The following FGFR1 variants were observed in gnomAD, a reference collection of about 807,000 sequenced individuals.
FGFR1 encodes FGFR1/PLAG1 fusion.
Under a neutral mutation model 93.7 loss-of-function variants are expected in FGFR1, and 18 were observed. The ratio of observed to expected loss-of-function variants is 0.19; its 90% CI spans 0.13 to 0.28. The LOEUF is 0.28. Among genes scored for constraint, FGFR1 ranks in the 10% least tolerant of loss-of-function variants. FGFR1 has a pLI of 1.00. For synonymous variants in FGFR1, 448 were observed against 429.3 expected (o/e 1.04, Z -0.54); for missense variants, 731 against 1,080.4 (o/e 0.68, Z 4.53).
chr8:38,422,030 G>C, intron 7 of FGFR1, 89 bp from the exon 8 acceptor site: 1 of 1,456,582 alleles, frequency 6.9e-7, no homozygotes, highest in Non-Finnish European at 9.5e-7. Flanking sequence ...AGAAAGAAGG[G>C]GGACTAGAGG....
At chr8:38,420,061 C>A in intron 8 of FGFR1, 1 of 373,246 alleles carries the variant, frequency 2.7e-6, no homozygotes, top group East Asian at 5.3e-5. Context: ...CCTGCAAGGG[C>A]CAGCTGAGAA....
At chr8:38,434,433 A>G in intron 2 of FGFR1, 1 of 384,528 alleles carries the variant, frequency 2.6e-6, no homozygotes, top group Non-Finnish European at 5.0e-6. Context: ...CTCAACACTG[A>G]TGGAAGTCAA....
chr8:38,425,984 C>T (rs1330502667), intron 6 of FGFR1, 138 bp downstream of exon 6: 2 of 1,118,250 alleles, frequency 1.8e-6, no homozygotes, highest in African/African-American at 3.1e-5. Context: ...GAGAAGTGAC[C>T]TGCTCAAGGT....
intron 2 of FGFR1, among the ~76,000 whole-genome samples, chr8:38,443,334 G>A (rs1229255158): frequency 6.6e-6 from 1 of 152,100 alleles, no homozygotes; most frequent in Non-Finnish European, 1.5e-5. Flanking sequence ...CGTACCCGAC[G>A]ATTATACATA....
At position 38,414,811 on chromosome 8, in the gene FGFR1, G is replaced by T. The variant is rs1211901113; in HGVS notation, c.1945C>A (p.His649Asn). Reference protein sequence around the residue: ...IADFGLARDIHHIDYYKKTTN... With the variant: ...IADFGLARDINHIDYYKKTTN... ...GTCTTTTTATAGTAGTCGATGTGGT[G>T]AATGTCCCGTGCGAGGCCAAAGTCT... Residue 649 changes from histidine (H) to asparagine (N), a missense_variant, in exon 14 of 18, where the codon CAC becomes AAC. By Grantham distance (68) the His-to-Asn change is moderately conservative (BLOSUM62 1). Transcript: ENST00000447712. 1.2e-6 allele frequency: 2 copies of T among 1,613,992 alleles called. No homozygotes were observed. The highest frequency in any genetic ancestry group is 2.2e-5 in the South Asian group (2 of 91,068).
intron 2 of FGFR1, among the ~76,000 whole-genome samples, chr8:38,449,104 G>A (rs1192206599): frequency 2.0e-5 from 3 of 149,488 alleles, no homozygotes; most frequent in African/African-American, 7.5e-5. Flanking sequence ...TAGGTCTCAG[G>A]AGAAAAAAAA....
intron 2 of FGFR1, among the ~76,000 whole-genome samples, chr8:38,452,970 C>T (rs372566782): frequency 1.6e-4 from 25 of 152,112 alleles, no homozygotes; most frequent in African/African-American, 5.8e-4. Context: ...AGTGAGACTC[C>T]GTCTCAAATA....
rs141320658 is a variant in FGFR1 at position 38,428,118 on chromosome 8, C to G, written c.449-25G>C. On this transcript the variant is annotated intron_variant, in intron 4 of 17. Coordinates refer to ENST00000447712, the MANE Select transcript of FGFR1 (RefSeq NM_023110.3). ...GCTGCCCGGGGAAAGCCAAGAGAGA[C>G]AGGCAGGGTGGAGAGGAGCAGCTGG... is the stretch of plus-strand genomic sequence containing the variant. 3.7e-3 allele frequency: 6,025 copies of G among 1,613,604 alleles called. 19 individuals are homozygous for G. The highest frequency in any genetic ancestry group is 4.0e-3 in the Non-Finnish European group (4,777 of 1,180,022).
At position 38,419,493 on chromosome 8, in the gene FGFR1, G is replaced by A. The variant is rs1201245097; in HGVS notation, c.1284+40C>T. The A allele has an allele frequency of 1.9e-6, 3 of 1,557,748 alleles. No individual in the cohort carries two copies. The South Asian group carries it at 3.3e-5, about 17-fold the overall frequency. ...GGGCAGGGCATTAGAGGCCCAGAGA[G>A]AGAGGTGGTGCTGAGTGTGCAAATC... On this transcript the variant is annotated intron_variant, in intron 9 of 17. Coordinates refer to ENST00000447712, the MANE Select transcript of FGFR1 (RefSeq NM_023110.3).
At chr8:38,465,005 T>C (rs1835194419) in intron 1 of FGFR1, among the ~76,000 whole-genome samples, 1 of 152,198 alleles carries the variant, frequency 6.6e-6, no homozygotes, top group Admixed American at 6.5e-5. Context: ...ACCCATGGAT[T>C]TTCCTTGGTC....
intron 15 of FGFR1, 22 bp from the exon 16 acceptor site, chr8:38,414,311 C>G (rs2150539039): frequency 6.2e-7 from 1 of 1,614,140 alleles, no homozygotes; most frequent in South Asian, 1.1e-5. Flanking sequence ...CGGAGAGCCA[C>G]AGGGTGTTAG....
chr8:38,418,463 G>GATACAC, intron 9 of FGFR1, 90 bp from the exon 10 acceptor site: 3 of 1,430,090 alleles, frequency 2.1e-6, no homozygotes, highest in Non-Finnish European at 1.9e-6. Flanking sequence ...AACAATGGCA[G>GATACAC]AGGCACATGT....
chr8:38,462,521 T>A (rs975768132), intron 1 of FGFR1, among the ~76,000 whole-genome samples: 3 of 152,164 alleles, frequency 2.0e-5, no homozygotes, highest in African/African-American at 4.8e-5. Context: ...AAATTTTTTT[T>A]ACCTATTTCT....
intron 1 of FGFR1, among the ~76,000 whole-genome samples, chr8:38,459,737 T>C (rs1049720204): frequency 1.3e-5 from 2 of 152,148 alleles, no homozygotes; most frequent in African/African-American, 2.4e-5. Flanking sequence ...TTTTTGGATA[T>C]TAGAGAACAG....
chr8:38,466,997 C>T (rs1192819675), intron 1 of FGFR1, among the ~76,000 whole-genome samples: 1 of 151,104 alleles, frequency 6.6e-6, no homozygotes, highest in East Asian at 2.0e-4. Flanking sequence ...CCTCCGCAAA[C>T]ATGGGTCGTA....
intron 2 of FGFR1, among the ~76,000 whole-genome samples, chr8:38,434,076 T>G (rs1824288735): frequency 6.6e-6 from 1 of 152,262 alleles, no homozygotes; most frequent in African/African-American, 2.4e-5. Flanking sequence ...TCCTCCATGT[T>G]ATAGCATAGA....
At chr8:38,430,129 A>G in intron 2 of FGFR1, 181 bp from the exon 3 acceptor site, 1 of 625,610 alleles carries the variant, frequency 1.6e-6, no homozygotes, top group South Asian at 2.2e-5. Context: ...TCAGTGGGGA[A>G]AACAGCTGGC....
intron 2 of FGFR1, among the ~76,000 whole-genome samples, chr8:38,447,433 T>C (rs865797852): frequency 6.6e-6 from 1 of 152,152 alleles, no homozygotes; most frequent in African/African-American, 2.4e-5. Flanking sequence ...GCCTATGGAA[T>C]CATTGTAAAA....
At chr8:38,458,539 T>G (rs897490206) in intron 1 of FGFR1, among the ~76,000 whole-genome samples, 4 of 151,772 alleles carry the variant, frequency 2.6e-5, no homozygotes, top group Non-Finnish European at 5.9e-5. Flanking sequence ...AGACTCTGTC[T>G]CAAAAAATTT....
Sources: allele counts gnomAD v4.1 joint callset (sites outside exome capture counted in the v4.1 genomes callset), GRCh38; gene constraint gnomAD v4.1.1; transcripts MANE v1.5; gene names NCBI Gene and HGNC (gene_info 2026-07-23, HGNC 2026-07-21).